The following CYP3A7 variants were observed in gnomAD, a reference collection of about 807,000 sequenced individuals.
CYP3A7 encodes cytochrome P450 family 3 subfamily A member 7.
CYP3A7 carries 45 observed loss-of-function variants against 55.2 expected under a neutral mutation model. The observed-to-expected ratio is 0.82, with a 90% CI of 0.64 to 1.05. The LOEUF is 1.05. CYP3A7 is among the 50% of genes least tolerant of loss of function. The pLI is 0.00. For missense variants in CYP3A7, 548 were observed against 605.3 expected (o/e 0.91, Z 0.99); for synonymous variants, 180 against 207.4 (o/e 0.87, Z 1.13).
intron 12 of CYP3A7, among the ~76,000 whole-genome samples, chr7:99,706,735 CATGA>C (rs1813536288): frequency 6.6e-6 from 1 of 152,220 alleles, no homozygotes; most frequent in African/African-American, 2.4e-5. Context: ...CATGCAAATA[CATGA>C]ATGTCATTTG....
At chr7:99,720,447 C>G in intron 3 of CYP3A7, 35 bp from the exon 4 acceptor site, 2 of 1,611,112 alleles carry the variant, frequency 1.2e-6, no homozygotes, top group Non-Finnish European at 1.7e-6. Context: ...TAAACATCAA[C>G]AGCCTTATGC....
chr7:99,733,069 A>C (rs1814689202), intron 1 of CYP3A7, among the ~76,000 whole-genome samples: 1 of 152,228 alleles, frequency 6.6e-6, no homozygotes, highest in Admixed American at 6.5e-5. Context: ...CAGCATAGCC[A>C]GGCCCAATAG....
chr7:99,711,111 C>A (rs547884923), intron 9 of CYP3A7, among the ~76,000 whole-genome samples: 1 of 152,176 alleles, frequency 6.6e-6, no homozygotes, highest in African/African-American at 2.4e-5. Flanking sequence ...TCTTCAAGAA[C>A]GTAGACCATC....
At chr7:99,731,503 C>A (rs1350022670) in intron 1 of CYP3A7, among the ~76,000 whole-genome samples, 1 of 152,198 alleles carries the variant, frequency 6.6e-6, no homozygotes, top group Non-Finnish European at 1.5e-5. Context: ...AGTAAGTGGA[C>A]TCTTCCCTGA....
chr7:99,705,561 A>G lies in CYP3A7; in HGVS notation c.1451T>C (p.Leu484Pro). The G allele has an allele frequency of 6.2e-7, 1 of 1,613,738 alleles. No individual in the cohort carries two copies. The highest frequency in any genetic ancestry group is 8.5e-7 in the Non-Finnish European group (1 of 1,179,716). The change falls in exon 13 of 13, where the codon CTA (leucine) becomes CCA (proline). Residue 484 changes from leucine to proline, a missense_variant. Physicochemically the swap from Leu to Pro is moderately conservative, Grantham distance 98. Transcript: ENST00000336374. The stretch of plus-strand genomic sequence containing the variant: ...CTTTAGAACAATGGGTTTTTCTGTT[A>G]GAAGAAGTCCTCCAAAGCGTAATTT... Reference protein sequence around the residue: ...PLKLRFGGLLLTEKPIVLKAE... With the variant: ...PLKLRFGGLLPTEKPIVLKAE...
Position 99,710,826 on chromosome 7 carries a change from C to A in CYP3A7, c.932G>T (p.Ser311Ile). The change falls in exon 10 of 13, where the codon AGC (serine) becomes ATC (isoleucine). Residue 311 changes from serine to isoleucine, a missense_variant. By Grantham distance (142) the Ser-to-Ile change is moderately radical (BLOSUM62 -2). Transcript: ENST00000336374. ...ATATATAATGAAGGAGAGAACACTGCTCGTGGTTTCATAGCCAGCAAAAAT... is the reference window on the plus strand; with the variant it reads ...ATATATAATGAAGGAGAGAACACTGATCGTGGTTTCATAGCCAGCAAAAAT... ...IFIFAGYETT[S>I]SVLSFIIYEL... is the part of the protein sequence containing the mutation. 1 of 1,613,858 alleles carries A rather than the reference C, an allele frequency of 6.2e-7. No homozygotes were observed. Among genetic ancestry groups the A allele is most frequent in the African/African-American group, 1.3e-5 (1 of 75,026 alleles).
rs1563022981 is a variant in CYP3A7 at position 99,717,267 on chromosome 7, T to C, written c.433-2A>G. 7 of 1,613,896 alleles carry C rather than the reference T, an allele frequency of 4.3e-6. No individual in the cohort carries two copies. The highest frequency in any genetic ancestry group is 5.1e-6 in the Non-Finnish European group (6 of 1,179,828). ...ATACTGGGCAATGATAGGGACCATC[T>C]AAGCACAAAACACAACACCACCCAT... On this transcript the variant is annotated splice_acceptor_variant, in intron 5 of 12. Coordinates refer to ENST00000336374, the MANE Select transcript of CYP3A7 (RefSeq NM_000765.5). LOFTEE classifies it high-confidence loss of function.
intron 7 of CYP3A7, 57 bp from the exon 8 acceptor site, chr7:99,714,739 C>A: frequency 6.3e-7 from 1 of 1,591,406 alleles, no homozygotes; most frequent in South Asian, 1.1e-5. Flanking sequence ...CAAAATTTAC[C>A]TGGAGCAATT....
chr7:99,717,060 A>G, intron 6 of CYP3A7, 117 bp downstream of exon 6: 1 of 1,285,124 alleles, frequency 7.8e-7, no homozygotes, highest in South Asian at 1.2e-5. Flanking sequence ...TTGCATTACC[A>G]CAGCCCTCCT....
chr7:99,715,639 T>C lies in CYP3A7; in HGVS notation c.670+119A>G, dbSNP rs753015740. On this transcript the variant is annotated intron_variant, in intron 7 of 12. Transcript: ENST00000336374. ...GGTGATGGTCGTACATATCTTCAAA[T>C]GTACTACAAACCATTAAACTGTACA... is the stretch of plus-strand genomic sequence containing the variant. The C allele has an allele frequency of 2.6e-6, 4 of 1,538,726 alleles. No homozygotes were observed. The African/African-American group carries it at 4.1e-5, about 16-fold the overall frequency.
intron 7 of CYP3A7, 93 bp from the exon 8 acceptor site, chr7:99,714,775 G>C: frequency 6.4e-7 from 1 of 1,560,178 alleles, no homozygotes; most frequent in Non-Finnish European, 8.6e-7. Flanking sequence ...AATCAGAAGA[G>C]TGAAATACAT....
rs371876620 is a variant in CYP3A7, at chr7:99,709,029, T to G, written c.1253+6A>C. 2 of 1,613,936 alleles carry G rather than the reference T, an allele frequency of 1.2e-6. No homozygotes were observed. Among genetic ancestry groups the G allele is most frequent in the Non-Finnish European group, 8.5e-7 (1 of 1,179,888 alleles). ...AGGGAGGGCTCCCTTCCCAGGGGCC[T>G]CCTACCTTTCAGGGAGGAACTTCTC... On this transcript the variant is annotated splice_donor_region_variant and intron_variant, in intron 11 of 12. Transcript: ENST00000336374.
At chr7:99,707,071 AG>A (rs1418594081) in intron 12 of CYP3A7, among the ~76,000 whole-genome samples, 1 of 152,204 alleles carries the variant, frequency 6.6e-6, no homozygotes, top group Non-Finnish European at 1.5e-5. Context: ...GACACCTTGG[AG>A]GGGCTTGGGA....
intron 10 of CYP3A7, 74 bp from the exon 11 acceptor site, chr7:99,709,335 T>C: frequency 1.3e-6 from 2 of 1,560,584 alleles, no homozygotes; most frequent in African/African-American, 1.4e-5. Flanking sequence ...TGTAGTACTG[T>C]TGAACTGTTA....
At chr7:99,727,586 C>A (rs1381960395) in intron 2 of CYP3A7, among the ~76,000 whole-genome samples, 1 of 152,098 alleles carries the variant, frequency 6.6e-6, no homozygotes, top group East Asian at 1.9e-4. Context: ...CCCATATTTC[C>A]TTCTTTCCTG....
intron 6 of CYP3A7, among the ~76,000 whole-genome samples, 181 bp downstream of exon 6, chr7:99,716,996 C>CCAGCTGCCCCACCTCCTCATCG (rs1813977317): frequency 6.6e-6 from 1 of 152,204 alleles, no homozygotes; most frequent in African/African-American, 2.4e-5. Flanking sequence ...TCCTTTTCCT[C>CCAGCTGCCCCACCTCCTCATCG]CAGCTGCCCC....
At chr7:99,713,435 C>T (rs1485023768) in intron 9 of CYP3A7, 34 bp downstream of exon 9, 2 of 1,612,300 alleles carry the variant, frequency 1.2e-6, no homozygotes, top group African/African-American at 2.7e-5. Flanking sequence ...TCTGAGTGCC[C>T]CACCAGTAGC....
chr7:99,706,302 C>T (rs1364053033), intron 12 of CYP3A7, among the ~76,000 whole-genome samples: 2 of 152,130 alleles, frequency 1.3e-5, no homozygotes, highest in African/African-American at 2.4e-5. Flanking sequence ...CCATGGAGAT[C>T]CAGAAGTGCC....
chr7:99,711,146 CA>C (rs1354625106), intron 9 of CYP3A7, among the ~76,000 whole-genome samples: 1 of 152,188 alleles, frequency 6.6e-6, no homozygotes, highest in Non-Finnish European at 1.5e-5. Context: ...CCATCCCTGC[CA>C]CCTTCACAGC....
Sources: gnomAD v4.1 joint callset for allele counts (sites outside exome capture counted in the v4.1 genomes callset) on GRCh38, gnomAD v4.1.1 for gene constraint, MANE v1.5 for transcripts, NCBI Gene and HGNC (gene_info 2026-07-23, HGNC 2026-07-21) for gene names.